IGFBP7: variants seen among roughly 807,000 people sequenced by gnomAD.
IGFBP7 encodes the protein insulin like growth factor binding protein 7, also known as insulin-like growth factor-binding protein 7.
IGFBP7 carries 31 observed loss-of-function variants against 29.4 expected under a neutral mutation model. That is an observed-to-expected ratio of 1.05 (90% CI 0.79 to 1.42). The LOEUF (loss-of-function observed/expected upper bound fraction) is 1.42, where lower values mean the gene tolerates loss of function less well. IGFBP7 is among the 40% of genes most tolerant of loss of function. The pLI, the probability that IGFBP7 is intolerant of heterozygous loss-of-function variation, is 0.00. For missense variants in IGFBP7, 393 were observed against 395.5 expected (o/e 0.99, Z 0.05); for synonymous variants, 172 against 174.9 (o/e 0.98, Z 0.13).
In IGFBP7 at chr4:57,081,468, A is replaced by G. The variant is rs977371604; in HGVS notation, c.475+28409T>C. On this transcript the variant is annotated intron_variant, in intron 1 of 4. Transcript: ENST00000295666. ...CCTGACCTCTGTTTAAATGTTTATC[A>G]GAAGTTGTCTGGACTTGTAAATTCT... 2.6e-5 allele frequency among the ~76,000 whole-genome samples: 4 copies of G among 152,242 alleles called. 1 individual carries two copies. The highest frequency in any genetic ancestry group is 2.0e-4 in the Admixed American group (3 of 15,290).
At chr4:57,055,890 T>C (rs1219200165) in intron 1 of IGFBP7, among the ~76,000 whole-genome samples, 2 of 151,960 alleles carry the variant, frequency 1.3e-5, no homozygotes, top group Admixed American at 6.6e-5. Context: ...AAGGAGGAGG[T>C]TGAATAAAGG....
At chr4:57,101,674 T>A (rs1262202987) in intron 1 of IGFBP7, among the ~76,000 whole-genome samples, 1 of 152,082 alleles carries the variant, frequency 6.6e-6, no homozygotes, top group Non-Finnish European at 1.5e-5. Flanking sequence ...AAAAAATAAA[T>A]AAGTAAACGT....
chr4:57,078,207 ATAATT>A (rs1725275933), intron 1 of IGFBP7, among the ~76,000 whole-genome samples: 1 of 152,162 alleles, frequency 6.6e-6, no homozygotes, highest in South Asian at 2.1e-4. Context: ...ATATGTGTAA[ATAATT>A]TAACCCTCAC....
intron 1 of IGFBP7, among the ~76,000 whole-genome samples, chr4:57,097,071 T>C (rs1303203820): frequency 1.3e-5 from 2 of 152,294 alleles, no homozygotes; most frequent in African/African-American, 4.8e-5. Context: ...TTCAATTTTT[T>C]CCCCCATGAA....
intron 2 of IGFBP7, among the ~76,000 whole-genome samples, chr4:57,037,514 C>G (rs1199972632): frequency 6.6e-6 from 1 of 151,838 alleles, no homozygotes; most frequent in Non-Finnish European, 1.5e-5. Flanking sequence ...TGGCTAGGGA[C>G]TACAGGTGCG....
At chr4:57,091,422 T>C (rs1578646775) in intron 1 of IGFBP7, among the ~76,000 whole-genome samples, 2 of 152,240 alleles carry the variant, frequency 1.3e-5, no homozygotes, top group South Asian at 4.1e-4. Flanking sequence ...CCAACTCACC[T>C]GGATTCCTCA....
At chr4:57,085,609 C>A (rs10006856) in intron 1 of IGFBP7, among the ~76,000 whole-genome samples, 1 of 151,998 alleles carries the variant, frequency 6.6e-6, no homozygotes, top group Non-Finnish European at 1.5e-5. Flanking sequence ...TGTTTGCAGA[C>A]GTGCTTTCAT....
At chr4:57,067,822 T>C (rs925482184) in intron 1 of IGFBP7, among the ~76,000 whole-genome samples, 2 of 150,816 alleles carry the variant, frequency 1.3e-5, no homozygotes, top group African/African-American at 4.9e-5. Context: ...GTCTCAAAAA[T>C]TCCTCAAAAC....
intron 1 of IGFBP7, among the ~76,000 whole-genome samples, chr4:57,059,199 G>A (rs1197008020): frequency 6.6e-6 from 1 of 152,146 alleles, no homozygotes; most frequent in Non-Finnish European, 1.5e-5. Context: ...ACTCCTCAAA[G>A]AGCTAAAAAC....
At chr4:57,068,588 A>G (rs896330300) in intron 1 of IGFBP7, among the ~76,000 whole-genome samples, 1 of 152,228 alleles carries the variant, frequency 6.6e-6, no homozygotes, top group Non-Finnish European at 1.5e-5. Context: ...TGAAGAACAT[A>G]CAAATGGCAG....
Position 57,031,147 on chromosome 4 carries a change from T to C in IGFBP7, c.*170A>G. ...TCTTCTGTAAATATATAATAAATTTTTGTAGATAGTCTTGATGTGTGATCT... is the reference window on the plus strand; with the variant it reads ...TCTTCTGTAAATATATAATAAATTTCTGTAGATAGTCTTGATGTGTGATCT... On this transcript the variant is annotated 3_prime_UTR_variant, in exon 5 of 5. Transcript: ENST00000295666. 1.4e-6 allele frequency: 1 copy of C among 718,878 alleles called. No individual in the cohort carries two copies. Among genetic ancestry groups the C allele is most frequent in the Non-Finnish European group, 2.4e-6 (1 of 419,308 alleles). The allele number at this position is 718,878 out of a possible 1,614,324, so 44.5% of individuals were successfully genotyped here. A position where few individuals can be genotyped will look rare whatever the true frequency, so the allele number is the denominator to read the frequency against.
intron 1 of IGFBP7, among the ~76,000 whole-genome samples, chr4:57,096,895 T>C (rs1487438112): frequency 1.3e-5 from 2 of 152,202 alleles, no homozygotes; most frequent in African/African-American, 4.8e-5. Flanking sequence ...GCTACATGTA[T>C]AAGCCAAAGA....
rs552151072 is a variant in IGFBP7, at chr4:57,086,334, C to T, written c.475+23543G>A. On this transcript the variant is annotated intron_variant, in intron 1 of 4. Coordinates refer to ENST00000295666, the MANE Select transcript of IGFBP7 (RefSeq NM_001553.3). ...ATGTGAGATTTGGGTGGGAACACAGCCAAACCATATCAGGAGCCCCGGCTG... is the reference window on the plus strand; with the variant it reads ...ATGTGAGATTTGGGTGGGAACACAGTCAAACCATATCAGGAGCCCCGGCTG... 4.6e-5 allele frequency among the ~76,000 whole-genome samples: 7 copies of T among 152,322 alleles called. No individual in the cohort carries two copies. The East Asian group carries it at 1.3e-3, about 29-fold the overall frequency.
intron 1 of IGFBP7, among the ~76,000 whole-genome samples, chr4:57,090,417 AAC>A (rs1387533074): frequency 2.0e-5 from 3 of 152,178 alleles, no homozygotes; most frequent in Non-Finnish European, 4.4e-5. Flanking sequence ...GTAGTGTTGA[AAC>A]ACACACACAA....
intron 1 of IGFBP7, among the ~76,000 whole-genome samples, chr4:57,102,174 G>C (rs1725914289): frequency 6.6e-6 from 1 of 152,124 alleles, no homozygotes; most frequent in Admixed American, 6.5e-5. Flanking sequence ...AATCAGTGAA[G>C]GCTAGCTGGC....
intron 1 of IGFBP7, among the ~76,000 whole-genome samples, chr4:57,104,682 C>T (rs1415015670): frequency 6.6e-6 from 1 of 152,274 alleles, no homozygotes; most frequent in East Asian, 1.9e-4. Context: ...GAAGCATTTT[C>T]CACTTACAGA....
chr4:57,059,150 G>A (rs1042500650), intron 1 of IGFBP7, among the ~76,000 whole-genome samples: 7 of 152,162 alleles, frequency 4.6e-5, no homozygotes, highest in African/African-American at 1.7e-4. Flanking sequence ...GTTGGTAGGG[G>A]TGTAAATTAG....
At chr4:57,088,034 T>G (rs771392684) in intron 1 of IGFBP7, among the ~76,000 whole-genome samples, 2 of 152,222 alleles carry the variant, frequency 1.3e-5, no homozygotes, top group Non-Finnish European at 2.9e-5. Context: ...AGTGGCACAA[T>G]CACGGCTCAC....
intron 1 of IGFBP7, among the ~76,000 whole-genome samples, chr4:57,060,939 C>T (rs552459148): frequency 8.6e-5 from 13 of 151,716 alleles, no homozygotes; most frequent in Middle Eastern, 3.4e-3. Context: ...CCCAGCTACT[C>T]GAGAGGCTGA....
Sources: gnomAD v4.1 joint callset for allele counts (sites outside exome capture counted in the v4.1 genomes callset) on GRCh38, gnomAD v4.1.1 for gene constraint, MANE v1.5 for transcripts, NCBI Gene and HGNC (gene_info 2026-07-23, HGNC 2026-07-21) for gene names.